The following ANKRD28 variants were observed in gnomAD, a reference collection of about 807,000 sequenced individuals.
The protein encoded by ANKRD28 is ankyrin repeat domain 28, also known as serine/threonine-protein phosphatase 6 regulatory ankyrin repeat subunit A.
A neutral mutation model predicts 126.5 loss-of-function variants in ANKRD28; 44 were observed. The observed-to-expected ratio is 0.35, with a 90% CI of 0.27 to 0.45. ANKRD28 has a LOEUF of 0.45. Ranked by LOEUF, ANKRD28 falls within the 20% of genes least tolerant of loss-of-function variation. The pLI is 1.00. For missense variants in ANKRD28, 1,110 were observed against 1,316.6 expected, an observed-to-expected ratio of 0.84 and a Z score of 2.43; for synonymous variants, 442 against 468.5, an observed-to-expected ratio of 0.94 and a Z score of 0.73.
chr3:15,737,332 A>T (rs2125138242), intron 4 of ANKRD28, 99 bp from the exon 5 acceptor site: 2 of 998,422 alleles, frequency 2.0e-6, no homozygotes, highest in Non-Finnish European at 2.9e-6. Flanking sequence ...ATGTATCTAC[A>T]TATGAAGAAA....
intron 3 of ANKRD28, among the ~76,000 whole-genome samples, chr3:15,762,171 G>A (rs2058492116): frequency 8.1e-6 from 1 of 123,078 alleles, no homozygotes; most frequent in Non-Finnish European, 1.6e-5. Context: ...CTGGGTAACA[G>A]AGCAAGACTA....
At chr3:15,782,219 T>C (rs1207634743) in intron 2 of ANKRD28, among the ~76,000 whole-genome samples, 5 of 152,058 alleles carry the variant, frequency 3.3e-5, no homozygotes, top group Admixed American at 1.3e-4. Context: ...GAACAGAGTG[T>C]TCTGTTCCAA....
chr3:15,768,880 A>C (rs149006343), intron 2 of ANKRD28, among the ~76,000 whole-genome samples: 1 of 152,138 alleles, frequency 6.6e-6, no homozygotes, highest in African/African-American at 2.4e-5. Flanking sequence ...TTATTCCAAC[A>C]TATACCACCC....
Position 15,738,349 on chromosome 3 carries a change from G to C in ANKRD28, c.352-1116C>G, listed in dbSNP as rs143303761. The stretch of plus-strand genomic sequence containing the variant: ...TTAGTGATTTTCAAAAGGGGAGGGA[G>C]TGTACGAATAGGGTATGAGTCACAG... On this transcript the variant is annotated intron_variant, in intron 4 of 27. Coordinates refer to ENST00000683139, the MANE Select transcript of ANKRD28 (RefSeq NM_001349278.2). 3.0e-3 allele frequency among the ~76,000 whole-genome samples: 459 copies of C among 152,272 alleles called. 1 individual carries two copies. The highest frequency in any genetic ancestry group is 0.011 in the African/African-American group (442 of 41,562).
At chr3:15,719,028 T>G (rs1278101238) in intron 8 of ANKRD28, among the ~76,000 whole-genome samples, 1 of 152,184 alleles carries the variant, frequency 6.6e-6, no homozygotes, top group Non-Finnish European at 1.5e-5. Context: ...AACTTTCTAG[T>G]AATTACTTAA....
chr3:15,677,075 AGTTATAAAAACTT>A lies in ANKRD28; in HGVS notation c.2791-32_2791-20del. The A allele has an allele frequency of 1.2e-6, 2 of 1,602,634 alleles. No homozygotes were observed. The highest frequency in any genetic ancestry group is 1.7e-6 in the Non-Finnish European group (2 of 1,170,348). ...CATGACCCTATAATTGTGGCAGATAAGTTATAAAAACTTGAGCACCATTAAAGATACATTTATA... is the reference window on the plus strand; with the variant it reads ...CATGACCCTATAATTGTGGCAGATAAGAGCACCATTAAAGATACATTTATA... On this transcript the variant is annotated intron_variant, in intron 25 of 27. Coordinates refer to ENST00000683139, the MANE Select transcript of ANKRD28 (RefSeq NM_001349278.2).
rs923936553 is a variant in ANKRD28 at position 15,677,544 on chromosome 3, G to C, written c.2726C>G (p.Ala909Gly). ...ATCTTGTAAAGTCAGTTCTGCACTA[G>C]CACTGCTAACCAGCATCTCTGGGAG... ...TNTVEMLVSS[A>G]SAELTLQDNS... is the part of the protein sequence containing the mutation. The change falls in exon 25 of 28, where the codon GCT becomes GGT. Residue 909 changes from alanine (A) to glycine (G), a missense_variant. Physicochemically the swap from Ala to Gly is moderately conservative, Grantham distance 60. Transcript: ENST00000683139. 11 of 1,612,266 alleles carry C rather than the reference G, an allele frequency of 6.8e-6. No individual in the cohort carries two copies. Among genetic ancestry groups the C allele is most frequent in the African/African-American group, 1.3e-5 (1 of 74,872 alleles).
chr3:15,827,947 T>C (rs937983938), intron 1 of ANKRD28, among the ~76,000 whole-genome samples: 1 of 152,106 alleles, frequency 6.6e-6, no homozygotes, highest in African/African-American at 2.4e-5. Context: ...GGTATACAAA[T>C]GGCCAATCAA....
At chr3:15,826,620 T>C (rs1181600176) in intron 1 of ANKRD28, among the ~76,000 whole-genome samples, 2 of 152,202 alleles carry the variant, frequency 1.3e-5, no homozygotes, top group African/African-American at 4.8e-5. Flanking sequence ...GGCAAAGTAT[T>C]CACAGCTGTT....
chr3:15,792,785 C>G (rs959366298), intron 2 of ANKRD28, among the ~76,000 whole-genome samples: 2 of 152,156 alleles, frequency 1.3e-5, no homozygotes, highest in South Asian at 2.1e-4. Context: ...GATTATTTCA[C>G]ATTACATGCC....
At chr3:15,799,756 TGTTCTAA>T (rs1475122362), upstream of ANKRD28, among the ~76,000 whole-genome samples, 2 of 152,060 alleles carry the variant, frequency 1.3e-5, no homozygotes, top group Non-Finnish European at 2.9e-5. Context: ...TCCTGTTTCT[TGTTCTAA>T]GTCAACCTCC....
At chr3:15,757,690 C>G (rs2058238276) in intron 3 of ANKRD28, among the ~76,000 whole-genome samples, 3 of 152,136 alleles carry the variant, frequency 2.0e-5, no homozygotes, top group Admixed American at 1.3e-4. Context: ...GGGCCCTCAC[C>G]AGATACCAAA....
intron 1 of ANKRD28, among the ~76,000 whole-genome samples, chr3:15,805,088 T>C (rs912544571): frequency 6.9e-6 from 1 of 145,188 alleles, no homozygotes; most frequent in Non-Finnish European, 1.5e-5. Context: ...CAGTTACACA[T>C]ATGAACTTAA....
At chr3:15,765,559 T>C (rs2058696787) in intron 3 of ANKRD28, among the ~76,000 whole-genome samples, 1 of 152,118 alleles carries the variant, frequency 6.6e-6, no homozygotes, top group Admixed American at 6.5e-5. Context: ...ATACCCTATG[T>C]AGGCGGGCAT....
chr3:15,800,429 C>G (rs1421447536), upstream of ANKRD28, among the ~76,000 whole-genome samples: 2 of 152,054 alleles, frequency 1.3e-5, no homozygotes, highest in Non-Finnish European at 1.5e-5. Flanking sequence ...GTTGTGAAAT[C>G]TAAACAAGAT....
At chr3:15,724,585 T>A in intron 6 of ANKRD28, 61 bp from the exon 7 acceptor site, 2 of 1,433,660 alleles carry the variant, frequency 1.4e-6, no homozygotes, top group Non-Finnish European at 9.3e-7. Flanking sequence ...TTAAATATAA[T>A]CCCAAATATC....
intron 27 of ANKRD28, among the ~76,000 whole-genome samples, chr3:15,674,174 C>CAAAAAAAAAAAAAA (rs34806568): frequency 1.2e-4 from 5 of 40,276 alleles, no homozygotes; most frequent in African/African-American, 2.2e-4. Flanking sequence ...CCTGCCTCTT[C>CAAAAAAAAAAAAAA]AAAAAAAAAA....
chr3:15,784,868 C>G (rs909068389), intron 2 of ANKRD28, among the ~76,000 whole-genome samples: 4 of 152,042 alleles, frequency 2.6e-5, no homozygotes, highest in Non-Finnish European at 4.4e-5. Flanking sequence ...GTCTCCCCAA[C>G]TAGAAAACAA....
intron 1 of ANKRD28, among the ~76,000 whole-genome samples, chr3:15,828,064 G>A (rs12494785): frequency 0.14 from 20,874 of 152,000 alleles, 2,153 homozygotes; most frequent in East Asian, 0.58. Flanking sequence ...ATTGTTAGTA[G>A]GTACTATGGA....
Sources: gnomAD v4.1 joint callset for allele counts (sites outside exome capture counted in the v4.1 genomes callset) on GRCh38, gnomAD v4.1.1 for gene constraint, MANE v1.5 for transcripts, NCBI Gene and HGNC (gene_info 2026-07-23, HGNC 2026-07-21) for gene names.